The following RBM4B variants were observed in gnomAD, a reference collection of about 807,000 sequenced individuals.
The protein encoded by RBM4B is RNA binding motif protein 4B.
Under a neutral mutation model 28.5 loss-of-function variants are expected in RBM4B, and 13 were observed. That is an observed-to-expected ratio of 0.46 (90% confidence interval 0.30 to 0.72). The LOEUF (loss-of-function observed/expected upper bound fraction) is 0.72, where lower values mean the gene tolerates loss of function less well. RBM4B is among the 30% of genes least tolerant of loss of function. RBM4B has a pLI of 0.09. For synonymous variants in RBM4B, 167 were observed against 179.1 expected, an observed-to-expected ratio of 0.93 and a Z score of 0.54; for missense variants, 387 against 477.6, an observed-to-expected ratio of 0.81 and a Z score of 1.77.
intron 3 of RBM4B, chr11:66,666,247 T>TG: frequency 9.7e-7 from 1 of 1,035,394 alleles, no homozygotes; most frequent in Non-Finnish European, 1.2e-6. Context: ...CACCAATGGC[T>TG]GGGGGAAAAA....
intron 2 of RBM4B, among the ~76,000 whole-genome samples, chr11:66,669,539 C>T (rs12417769): frequency 0.43 from 65,524 of 151,818 alleles, 15,945 homozygotes; most frequent in South Asian, 0.6. Context: ...CTCCACCTCC[C>T]GGATTCAAGC....
At chr11:66,676,174 C>A (rs1355303536) in intron 2 of RBM4B, 2 of 164,460 alleles carry the variant, frequency 1.2e-5, no homozygotes, top group Non-Finnish European at 2.6e-5. Flanking sequence ...CCCGCAGATC[C>A]AGACTTGCCA....
At chr11:66,671,520 A>T (rs1939463012) in intron 2 of RBM4B, among the ~76,000 whole-genome samples, 1 of 152,208 alleles carries the variant, frequency 6.6e-6, no homozygotes, top group Admixed American at 6.5e-5. Context: ...ACCTAAAAGT[A>T]ACATTTTTAA....
intron 2 of RBM4B, chr11:66,670,876 AG>A: frequency 1.4e-6 from 1 of 702,140 alleles, no homozygotes; most frequent in Non-Finnish European, 2.6e-6. Context: ...ATTACTCTTA[AG>A]GACTGCTGAG....
chr11:66,667,771 A>G (rs879497042), intron 3 of RBM4B: 1 of 151,750 alleles, frequency 6.6e-6, no homozygotes, highest in Admixed American at 6.6e-5. Context: ...TGGTGTGATC[A>G]TAGCTCACTG....
chr11:66,665,479 T>C lies in RBM4B; in HGVS notation c.*109A>G. 2.2e-6 allele frequency: 2 copies of C among 896,354 alleles called. No homozygotes were observed. Among genetic ancestry groups the C allele is most frequent in the Non-Finnish European group, 3.5e-6 (2 of 570,636 alleles). The allele number at this position is 896,354 out of a possible 1,614,324, so 55.5% of individuals were successfully genotyped here. On this transcript the variant is annotated 3_prime_UTR_variant, in exon 4 of 4. Transcript: ENST00000310046. ...TTGGTCACAAACTCCTTTTGTTTAC[T>C]GAAACATGAAGCAATGGAAACATCC... is the stretch of plus-strand genomic sequence containing the variant.
chr11:66,672,685 C>T (rs766668877), intron 2 of RBM4B, among the ~76,000 whole-genome samples: 8 of 151,924 alleles, frequency 5.3e-5, no homozygotes, highest in Non-Finnish European at 7.4e-5. Context: ...TTAGTGGAGA[C>T]GAGGTTTCAC....
chr11:66,677,114 C>CA (rs764929604), intron 1 of RBM4B, 23 bp from the exon 2 acceptor site: 2 of 1,602,720 alleles, frequency 1.2e-6, no homozygotes, highest in Admixed American at 3.4e-5. Context: ...CACAAGACTT[C>CA]AAAAGTCAGG....
At chr11:66,674,227 T>C (rs1280706322) in intron 2 of RBM4B, among the ~76,000 whole-genome samples, 1 of 151,108 alleles carries the variant, frequency 6.6e-6, no homozygotes, top group African/African-American at 2.4e-5. Flanking sequence ...TTTCTTTTCT[T>C]TCTTTTTTTT....
Position 66,669,203 on chromosome 11 carries a change from T to A in RBM4B, c.501A>T (p.Lys167Asn). 4 of 1,614,214 alleles carry A rather than the reference T, an allele frequency of 2.5e-6. No homozygotes were observed. Among genetic ancestry groups the A allele is most frequent in the Non-Finnish European group, 3.4e-6 (4 of 1,180,048 alleles). ...GGCACTCTTTGGACCAGTGCCCTTC[T>A]TTCCCACACCGATAGCAGCCACTCT... The part of the protein sequence containing the change: ...GDQSGCYRCG[K>N]EGHWSKECPV... Residue 167 changes from lysine (K) to asparagine (N), a missense_variant, in exon 3 of 4, where the codon AAA (lysine) becomes AAT (asparagine). Physicochemically the swap from Lys to Asn is moderately conservative, Grantham distance 94. Transcript: ENST00000310046.
intron 2 of RBM4B, among the ~76,000 whole-genome samples, chr11:66,672,943 G>C (rs1939517553): frequency 6.6e-6 from 1 of 152,160 alleles, no homozygotes; most frequent in Admixed American, 6.5e-5. Flanking sequence ...TAGGCCAAAA[G>C]CTTAAAATTT....
chr11:66,676,510 C>G, intron 2 of RBM4B, 158 bp downstream of exon 2: 1 of 880,948 alleles, frequency 1.1e-6, no homozygotes, highest in Admixed American at 2.9e-5. Flanking sequence ...GTTTGCTTCC[C>G]CAGGGGTAAA....
chr11:66,669,385 C>T, intron 2 of RBM4B, 94 bp from the exon 3 acceptor site: 1 of 1,137,204 alleles, frequency 8.8e-7, no homozygotes. Flanking sequence ...TGTCATAAGA[C>T]ACATAGACGC....
Position 66,668,975 on chromosome 11 carries a change from G to A in RBM4B, c.729C>T (p.Tyr243=), listed in dbSNP as rs764283037. The A allele has an allele frequency of 1.1e-5, 18 of 1,614,050 alleles. No homozygotes were observed. The highest frequency in any genetic ancestry group is 4.4e-5 in the South Asian group (4 of 91,086). ...AAAAAASAYN[Y]AEQTMSHLPQ... ...GCAGATGGGACATGGTCTGCTCTGC[G>A]TAGTTGTATGCAGAAGCCGCTGCCG... is the stretch of plus-strand genomic sequence containing the variant. The change falls in exon 3 of 4, where the codon TAC becomes TAT. Residue 243 remains tyrosine (Y), a synonymous_variant. Coordinates refer to ENST00000310046, the MANE Select transcript of RBM4B (RefSeq NM_031492.4).
At position 66,675,328 on chromosome 11, in the gene RBM4B, TAGTG is replaced by T. The variant is rs150851024; in HGVS notation, c.412+1336_412+1339del. Among the ~76,000 whole-genome samples the T allele has an allele frequency of 5.0e-3, 758 of 152,340 alleles. 9 individuals carry two copies. In the East Asian group the frequency reaches 0.061, roughly 12 times the overall value. On this transcript the variant is annotated intron_variant, in intron 2 of 3. Transcript: ENST00000310046. ...TTAACTCCATAAGTGGGGACAATCT[TAGTG>T]AGGAAAATGAAGCAGAGAAATGTTA...
chr11:66,677,107 A>C lies in RBM4B; in HGVS notation c.-12-16T>G. On this transcript the variant is annotated splice_polypyrimidine_tract_variant and intron_variant, in intron 1 of 3. Transcript: ENST00000310046. ...TGACAAGAGCCTGGGAGAGAAACAC[A>C]AGACTTCAAAAGTCAGGGGTGTGGT... The C allele has an allele frequency of 6.2e-7, 1 of 1,603,772 alleles. No individual in the cohort carries two copies. The highest frequency in any genetic ancestry group is 1.1e-5 in the South Asian group (1 of 90,362).
At chr11:66,674,203 A>C (rs571779758) in intron 2 of RBM4B, among the ~76,000 whole-genome samples, 35 of 138,738 alleles carry the variant, frequency 2.5e-4, no homozygotes, top group African/African-American at 9.2e-4. Context: ...TATTAACTTC[A>C]GGTAGCTTTT....
chr11:66,675,688 A>G (rs1235865821), intron 2 of RBM4B: 1 of 152,240 alleles, frequency 6.6e-6, no homozygotes, highest in Non-Finnish European at 1.5e-5. Context: ...CCAAGACGAT[A>G]CTGTTAACAA....
At chr11:66,670,041 C>T (rs1397386496) in intron 2 of RBM4B, among the ~76,000 whole-genome samples, 5 of 152,328 alleles carry the variant, frequency 3.3e-5, no homozygotes, top group Non-Finnish European at 2.9e-5. Flanking sequence ...GGATTAAGGC[C>T]TGAGTATTTA....
Sources: allele counts gnomAD v4.1 joint callset (sites outside exome capture counted in the v4.1 genomes callset), GRCh38; gene constraint gnomAD v4.1.1; transcripts MANE v1.5; gene names NCBI Gene and HGNC (gene_info 2026-07-23, HGNC 2026-07-21).